CHRDL1: variants seen among roughly 807,000 people sequenced by gnomAD.
CHRDL1 encodes the protein chordin-like protein 1.
Under a neutral mutation model 40.9 loss-of-function variants are expected in CHRDL1, and 19 were observed. The observed-to-expected ratio is 0.46, with a 90% confidence interval of 0.32 to 0.68. CHRDL1 has a LOEUF of 0.68. Among genes scored for constraint, CHRDL1 ranks in the 30% least tolerant of loss-of-function variants. The probability of loss-of-function intolerance (pLI) is 0.03; values close to 1 mark genes in which losing one functional copy is unlikely to be tolerated. For synonymous variants in CHRDL1, 136 were observed against 123.4 expected, an observed-to-expected ratio of 1.10 and a Z score of -0.68; for missense variants, 329 against 352.1, an observed-to-expected ratio of 0.93 and a Z score of 0.53.
chrX:110,764,714 C>T (rs765160263), intron 2 of CHRDL1, among the ~76,000 whole-genome samples: 9 of 111,701 alleles, frequency 8.1e-5, no homozygotes, highest in African/African-American at 2.9e-4. Flanking sequence ...TATAAATGGA[C>T]ATGCAAGTAG....
chrX:110,765,348 T>C (rs918955344), intron 2 of CHRDL1, among the ~76,000 whole-genome samples: 13 of 112,308 alleles, frequency 1.2e-4, no homozygotes, highest in Non-Finnish European at 2.1e-4. Context: ...AGAAAGAACC[T>C]ACGTTGAAAT....
chrX:110,717,959 C>T (rs181172192), intron 6 of CHRDL1, among the ~76,000 whole-genome samples: 12 of 111,949 alleles, frequency 1.1e-4, no homozygotes, highest in African/African-American at 3.2e-4. Context: ...TTCCAATATG[C>T]ACCCATAGTT....
chrX:110,690,221 T>A (rs2148427222), intron 8 of CHRDL1, among the ~76,000 whole-genome samples: 1 of 104,019 alleles, frequency 9.6e-6, no homozygotes, highest in East Asian at 2.9e-4. Context: ...AACTTTTTTT[T>A]GGATTTTTAG....
chrX:110,689,534 ATCTCTATATC>A, intron 8 of CHRDL1, among the ~76,000 whole-genome samples: 1 of 47,483 alleles, frequency 2.1e-5, no homozygotes. Flanking sequence ...CTATCTATAT[ATCTCTATATC>A]TCTATATATC....
Position 110,737,509 on chromosome X carries a change from C to T in CHRDL1, c.302-15979G>A, listed in dbSNP as rs760846446. The stretch of plus-strand genomic sequence containing the variant: ...CAGAATCTCACACCCACACTCCAGA[C>T]CTACTGAAACATCATCTGCACTTCA... On this transcript the variant is annotated intron_variant, in intron 4 of 11. Coordinates refer to ENST00000372042, the MANE Select transcript of CHRDL1 (RefSeq NM_001143981.2). Among the ~76,000 whole-genome samples the T allele has an allele frequency of 3.5e-4, 39 of 111,917 alleles. 1 individual carries two copies. In the South Asian group the frequency reaches 0.014, roughly 40 times the overall value.
chrX:110,790,075 T>C (rs941493790), intron 2 of CHRDL1, among the ~76,000 whole-genome samples: 1 of 112,065 alleles, frequency 8.9e-6, no homozygotes, highest in African/African-American at 3.2e-5. Flanking sequence ...ATTGTGTGTG[T>C]TTGTGTATGT....
Position 110,675,676 on chromosome X carries a change from C to CGTGTGTGTGT in CHRDL1, c.*545_*554dup, listed in dbSNP as rs60116847. ...TTCGTTTAATGTGAGTGTGGACGTGCGTGTGTGTGTGTGTGTGTGTGTGTG... is the reference window on the plus strand; with the variant it reads ...TTCGTTTAATGTGAGTGTGGACGTGCGTGTGTGTGTGTGTGTGTGTGTGTGTGTGTGTGTG... On this transcript the variant is annotated 3_prime_UTR_variant, in exon 12 of 12. Transcript: ENST00000372042. 9 of 83,397 alleles carry CGTGTGTGTGT rather than the reference C, an allele frequency of 1.1e-4. No individual in the cohort carries two copies. Among genetic ancestry groups the CGTGTGTGTGT allele is most frequent in the African/African-American group, 4.0e-4 (9 of 22,730 alleles). 6.9% of individuals were successfully genotyped at this position (83,397 alleles called of 1,213,427 possible). A position where few individuals can be genotyped will look rare whatever the true frequency, so the allele number is the denominator to read the frequency against.
intron 4 of CHRDL1, among the ~76,000 whole-genome samples, chrX:110,723,077 C>T (rs1297383568): frequency 9.0e-6 from 1 of 110,757 alleles, no homozygotes; most frequent in Non-Finnish European, 1.9e-5. Context: ...AGTGAAACCC[C>T]GTCTCTACTA....
chrX:110,760,538 G>C (rs889313921), intron 3 of CHRDL1, among the ~76,000 whole-genome samples: 14 of 112,162 alleles, frequency 1.2e-4, no homozygotes, highest in African/African-American at 4.2e-4. Context: ...CCTTGTGCTT[G>C]AGCTGTTGGC....
At chrX:110,699,456 G>A (rs745417597) in intron 7 of CHRDL1, among the ~76,000 whole-genome samples, 301 of 111,388 alleles carry the variant, frequency 2.7e-3, no homozygotes, top group African/African-American at 9.5e-3. Flanking sequence ...ATTTTTCTAG[G>A]GTTTTAGAAA....
chrX:110,748,588 C>T (rs1378897937), intron 4 of CHRDL1, among the ~76,000 whole-genome samples: 1 of 112,108 alleles, frequency 8.9e-6, no homozygotes, highest in Non-Finnish European at 1.9e-5. Flanking sequence ...TCCTCTAAGA[C>T]TCTTTGGTTG....
At chrX:110,687,668 C>A (rs2070052934) in intron 9 of CHRDL1, among the ~76,000 whole-genome samples, 1 of 111,112 alleles carries the variant, frequency 9.0e-6, no homozygotes, top group Non-Finnish European at 1.9e-5. Flanking sequence ...CTGTAAGGGC[C>A]CCCCAAAAAA....
At chrX:110,705,281 C>CTATA (rs10551964) in intron 6 of CHRDL1, among the ~76,000 whole-genome samples, 60 of 76,803 alleles carry the variant, frequency 7.8e-4, no homozygotes, top group South Asian at 2.6e-3. Flanking sequence ...GTAATGGAGA[C>CTATA]TATATATATA....
chrX:110,794,349 T>C (rs930695115), intron 1 of CHRDL1, among the ~76,000 whole-genome samples: 5 of 112,035 alleles, frequency 4.5e-5, no homozygotes, highest in Non-Finnish European at 9.4e-5. Context: ...CAGGCTGTTG[T>C]GCCATTGAAC....
chrX:110,723,199 C>T (rs747640115), intron 4 of CHRDL1, among the ~76,000 whole-genome samples: 1 of 111,013 alleles, frequency 9.0e-6, no homozygotes, highest in African/African-American at 3.3e-5. Context: ...TGCAGTGAGC[C>T]GTGATCACGC....
rs1157065942 is a variant in CHRDL1 at position 110,674,787 on chromosome X, C to A, written c.*1444G>T. The A allele has an allele frequency of 8.9e-6, 1 of 112,209 alleles. No homozygotes were observed. The highest frequency in any genetic ancestry group is 1.9e-5 in the Non-Finnish European group (1 of 53,191). The allele number at this position is 112,209 out of a possible 1,213,427, so 9.2% of individuals were successfully genotyped here. A position where few individuals can be genotyped will look rare whatever the true frequency, so the allele number is the denominator to read the frequency against. On this transcript the variant is annotated 3_prime_UTR_variant, in exon 12 of 12. Coordinates refer to ENST00000372042, the MANE Select transcript of CHRDL1 (RefSeq NM_001143981.2). ...GGGTCCTTAAAACATTTCTACAGTT[C>A]ATTCCTGCCCCTCAGAGGGAACAAA...
chrX:110,756,252 G>T (rs765853650), intron 4 of CHRDL1, among the ~76,000 whole-genome samples: 101 of 111,929 alleles, frequency 9.0e-4, no homozygotes, highest in Non-Finnish European at 1.6e-3. Context: ...ACTCTTCGTG[G>T]AATAAAATAT....
chrX:110,791,492 C>G (rs1430264764), intron 2 of CHRDL1, among the ~76,000 whole-genome samples: 1 of 111,647 alleles, frequency 9.0e-6, no homozygotes, highest in Non-Finnish European at 1.9e-5. Context: ...TTACACGGAT[C>G]GCTGACTTTC....
At chrX:110,760,705 T>G (rs1434459861) in intron 3 of CHRDL1, among the ~76,000 whole-genome samples, 1 of 112,159 alleles carries the variant, frequency 8.9e-6, no homozygotes, top group East Asian at 2.8e-4. Flanking sequence ...AATGATCTAT[T>G]TAATACATGC....
Sources: gnomAD v4.1 joint callset for allele counts (sites outside exome capture counted in the v4.1 genomes callset) on GRCh38, gnomAD v4.1.1 for gene constraint, MANE v1.5 for transcripts, NCBI Gene and HGNC (gene_info 2026-07-23, HGNC 2026-07-21) for gene names.